Variants in KIDINS220 observed in about 807,000 individuals in gnomAD.
The protein encoded by KIDINS220 is kinase D-interacting substrate of 220 kDa.
In KIDINS220, 63 loss-of-function variants were observed where a neutral mutation model predicts 157.6. The ratio of observed to expected loss-of-function variants is 0.40; its 90% CI spans 0.33 to 0.49. KIDINS220 has a LOEUF of 0.49. Ranked by LOEUF, KIDINS220 falls within the 20% of genes least tolerant of loss-of-function variation. The pLI, the probability that KIDINS220 is intolerant of heterozygous loss-of-function variation, is 0.66. For synonymous variants in KIDINS220, 732 were observed against 783.6 expected, an observed-to-expected ratio of 0.93 and a Z score of 1.10; for missense variants, 1,772 against 2,171.2, an observed-to-expected ratio of 0.82 and a Z score of 3.65.
intron 22 of KIDINS220, among the ~76,000 whole-genome samples, chr2:8,761,969 T>C (rs531828545): frequency 3.3e-4 from 50 of 152,342 alleles, no homozygotes; most frequent in African/African-American, 1.2e-3. Flanking sequence ...CTGGAAAAAG[T>C]TGGCTACTTG....
Position 8,735,258 on chromosome 2 carries a change from G to A in KIDINS220, c.3718-505C>T, listed in dbSNP as rs187610485. ...GTCTATTAAATTCACAAGGCCCGGCGCGGTGGCTCACGCATGTAATCCCAG... is the reference window on the plus strand; with the variant it reads ...GTCTATTAAATTCACAAGGCCCGGCACGGTGGCTCACGCATGTAATCCCAG... On this transcript the variant is annotated intron_variant, in intron 27 of 29. Coordinates refer to ENST00000256707, the MANE Select transcript of KIDINS220 (RefSeq NM_020738.4). Among the ~76,000 whole-genome samples, 22 of 152,292 alleles carry A rather than the reference G, an allele frequency of 1.4e-4. No individual in the cohort carries two copies. In the East Asian group the frequency reaches 3.1e-3, roughly 21 times the overall value.
intron 2 of KIDINS220, among the ~76,000 whole-genome samples, chr2:8,821,481 C>T (rs1414730350): frequency 1.3e-5 from 2 of 152,158 alleles, no homozygotes; most frequent in Non-Finnish European, 2.9e-5. Flanking sequence ...TTGCCCAATA[C>T]TGAGACACAG....
At chr2:8,834,558 G>A (rs1680122388) in intron 1 of KIDINS220, among the ~76,000 whole-genome samples, 1 of 151,110 alleles carries the variant, frequency 6.6e-6, no homozygotes, top group South Asian at 2.1e-4. Flanking sequence ...CACATACTTT[G>A]TTTTTGGTCT....
intron 7 of KIDINS220, 63 bp downstream of exon 7, chr2:8,806,208 A>T: frequency 2.5e-6 from 3 of 1,198,326 alleles, no homozygotes; most frequent in South Asian, 1.4e-5. Flanking sequence ...AAAGAAATAA[A>T]TTCTCTCTCT....
Position 8,817,708 on chromosome 2 carries a change from C to T in KIDINS220, c.216G>A (p.Trp72Ter). The T allele has an allele frequency of 6.3e-7, 1 of 1,594,166 alleles. No homozygotes were observed. Reference protein sequence around the residue: ...ANCNLEDLDNWTALISASKEG... With the variant: ...ANCNLEDLDN ...CTTTCGATGCAGATATAAGTGCTGT[C>T]CAATTATCCTTGAACATATATTTTA... The change falls in exon 4 of 30, where the codon TGG becomes TGA. Residue 72 changes from tryptophan to a stop codon, truncating the protein, a stop_gained. Coordinates refer to ENST00000256707, the MANE Select transcript of KIDINS220 (RefSeq NM_020738.4). LOFTEE classifies it high-confidence loss of function.
intron 20 of KIDINS220, among the ~76,000 whole-genome samples, 155 bp from the exon 21 acceptor site, chr2:8,777,047 T>C (rs1472531210): frequency 1.3e-5 from 2 of 152,212 alleles, no homozygotes; most frequent in South Asian, 2.1e-4. Context: ...ATCTGTGAGG[T>C]AGAATCTTCG....
rs776915566 is a variant in KIDINS220, at chr2:8,786,363, A to G, written c.1788-6T>C. 11 of 1,607,280 alleles carry G rather than the reference A, an allele frequency of 6.8e-6. No homozygotes were observed. In the South Asian group the frequency reaches 1.0e-4, roughly 15 times the overall value. The stretch of plus-strand genomic sequence containing the variant: ...TGTAATCTGTAAACAAAAACCTTGA[A>G]GAAAAGAACAAATCAAACATTACTT... On this transcript the variant is annotated splice_region_variant and splice_polypyrimidine_tract_variant and intron_variant, in intron 15 of 29. Transcript: ENST00000256707.
At chr2:8,751,435 A>G in intron 23 of KIDINS220, 31 bp downstream of exon 23, 1 of 1,535,096 alleles carries the variant, frequency 6.5e-7, no homozygotes, top group Non-Finnish European at 8.9e-7. Flanking sequence ...AGAACTTTAG[A>G]TGAAAAATTA....
chr2:8,740,542 T>C (rs541831366), intron 26 of KIDINS220, among the ~76,000 whole-genome samples: 1 of 152,356 alleles, frequency 6.6e-6, no homozygotes, highest in East Asian at 1.9e-4. Context: ...AAGTTTAACA[T>C]TAATTTAAAA....
chr2:8,760,267 T>C (rs1299436007), intron 22 of KIDINS220, among the ~76,000 whole-genome samples: 1 of 152,250 alleles, frequency 6.6e-6, no homozygotes, highest in Non-Finnish European at 1.5e-5. Flanking sequence ...TGCACATATT[T>C]AATTTCCTTC....
chr2:8,803,764 C>T (rs1252279741), intron 7 of KIDINS220, among the ~76,000 whole-genome samples: 2 of 152,048 alleles, frequency 1.3e-5, no homozygotes, highest in African/African-American at 2.4e-5. Context: ...AATCCCAAAG[C>T]TTAAGGAGGC....
Position 8,731,795 on chromosome 2 carries a change from C to T in KIDINS220, c.4241G>A (p.Ser1414Asn). 8 of 1,614,052 alleles carry T rather than the reference C, an allele frequency of 5.0e-6. No homozygotes were observed. The South Asian group carries it at 8.8e-5, about 18-fold the overall frequency. ...TGAACTCTGACCCATGTAATATGTG[C>T]TATGTGGAGAAGATCTGCCACTAAT... Reference protein sequence around the residue: ...TTISGRSSPHSTYYMGQSSSG... With the variant: ...TTISGRSSPHNTYYMGQSSSG... Residue 1414 changes from serine (S) to asparagine (N), a missense_variant, in exon 30 of 30, where the codon AGC (serine) becomes AAC (asparagine). Transcript: ENST00000256707. The surrounding 1 kb of genome is among the most constrained non-coding windows in gnomAD (Gnocchi z 5.2).
At chr2:8,788,895 T>C (rs1672794499) in intron 14 of KIDINS220, 83 bp from the exon 15 acceptor site, 3 of 1,273,640 alleles carry the variant, frequency 2.4e-6, no homozygotes, top group Non-Finnish European at 3.3e-6. Flanking sequence ...TATCAAGTAA[T>C]GAGAGCTAAG....
At chr2:8,811,852 T>C (rs771168808) in intron 6 of KIDINS220, among the ~76,000 whole-genome samples, 2 of 151,602 alleles carry the variant, frequency 1.3e-5, no homozygotes, top group African/African-American at 2.4e-5. Flanking sequence ...TCAGAGATGA[T>C]GTGAAGCTGA....
At chr2:8,726,049 T>C (rs1157657685), downstream of KIDINS220, among the ~76,000 whole-genome samples, 1 of 152,240 alleles carries the variant, frequency 6.6e-6, no homozygotes, top group African/African-American at 2.4e-5. Context: ...TGTCTTTATA[T>C]TACGTAATTC....
chr2:8,747,988 G>A lies in KIDINS220; in HGVS notation c.3427C>T (p.Pro1143Ser), dbSNP rs374204018. 6.4e-7 allele frequency: 1 copy of A among 1,562,022 alleles called. No individual in the cohort carries two copies. Among genetic ancestry groups the A allele is most frequent in the Non-Finnish European group, 8.6e-7 (1 of 1,157,108 alleles). The change falls in exon 25 of 30, where the codon CCA becomes TCA. Residue 1143 changes from proline (P) to serine (S), a missense_variant. By Grantham distance (74) the Pro-to-Ser change is moderately conservative (BLOSUM62 -1). This residue lies in a region of KIDINS220 where 793 missense variants were observed against 885.5 expected (regional missense o/e 0.90). Transcript: ENST00000256707. The part of the protein sequence containing the change: ...HPFYNRPFFA[P>S]YLYTPRYYPG... Reference sequence around the variant, plus strand: ...TAATACCTTGGCGTGTAAAGGTATGGGGCAAAGAATGGCTATGGAAAAACA... The same window carrying A: ...TAATACCTTGGCGTGTAAAGGTATGAGGCAAAGAATGGCTATGGAAAAACA...
chr2:8,775,166 T>C (rs1444346048), intron 21 of KIDINS220, among the ~76,000 whole-genome samples: 2 of 152,138 alleles, frequency 1.3e-5, no homozygotes, highest in African/African-American at 4.8e-5. Flanking sequence ...TGGATGAAGT[T>C]TGAGTCAGAG....
At chr2:8,739,752 C>G (rs1282330961) in intron 26 of KIDINS220, among the ~76,000 whole-genome samples, 3 of 152,130 alleles carry the variant, frequency 2.0e-5, no homozygotes, top group Non-Finnish European at 4.4e-5. Context: ...ATTTTAACAT[C>G]AGAATTTGTT....
chr2:8,748,888 T>A (rs1457390655), intron 24 of KIDINS220, among the ~76,000 whole-genome samples: 1 of 152,200 alleles, frequency 6.6e-6, no homozygotes, highest in Non-Finnish European at 1.5e-5. Context: ...AACATAGTAT[T>A]TCAGGCTAGA....
Sources: gnomAD v4.1 joint callset for allele counts (sites outside exome capture counted in the v4.1 genomes callset) on GRCh38, gnomAD v4.1.1 for gene constraint, gnomAD v4.1.1 regional missense constraint, Gnocchi (gnomAD v3.1) non-coding constraint, MANE v1.5 for transcripts, NCBI Gene and HGNC (gene_info 2026-07-23, HGNC 2026-07-21) for gene names.